SLC8A1: variants seen among roughly 807,000 people sequenced by gnomAD.
The protein encoded by SLC8A1 is sodium/calcium exchanger 1.
In SLC8A1, 18 loss-of-function variants were observed where a neutral mutation model predicts 68.3. That is an observed-to-expected ratio of 0.26 (90% CI 0.18 to 0.39). SLC8A1 has a LOEUF of 0.39. Ranked by LOEUF, SLC8A1 falls within the 10% of genes least tolerant of loss-of-function variation. The pLI is 1.00. For missense variants in SLC8A1, 985 were observed against 1,156.7 expected (o/e 0.85, Z 2.15); for synonymous variants, 475 against 415.5 (o/e 1.14, Z -1.74).
At chr2:40,220,641 A>G (rs537704793) in intron 2 of SLC8A1, among the ~76,000 whole-genome samples, 1 of 152,280 alleles carries the variant, frequency 6.6e-6, no homozygotes, top group African/African-American at 2.4e-5. Flanking sequence ...AATTATAAGA[A>G]TGTGCAGTTT....
intron 7 of SLC8A1, among the ~76,000 whole-genome samples, chr2:40,132,250 A>G (rs1009495330): frequency 1.3e-5 from 2 of 152,212 alleles, no homozygotes; most frequent in African/African-American, 4.8e-5. Context: ...TATAAAAACG[A>G]GAGATAACAT....
intron 2 of SLC8A1, among the ~76,000 whole-genome samples, chr2:40,368,824 C>G (rs1414603859): frequency 1.3e-5 from 2 of 151,964 alleles, no homozygotes; most frequent in East Asian, 1.9e-4. Context: ...CAACATGGTA[C>G]TGGTACAAAA....
At chr2:40,118,787 C>T (rs1217608275) in intron 7 of SLC8A1, among the ~76,000 whole-genome samples, 6 of 151,576 alleles carry the variant, frequency 4.0e-5, no homozygotes, top group African/African-American at 1.5e-4. Flanking sequence ...CAGATGGCCA[C>T]GTTAGGTGGG....
At chr2:40,136,333 A>G (rs887229607) in intron 7 of SLC8A1, among the ~76,000 whole-genome samples, 1 of 152,224 alleles carries the variant, frequency 6.6e-6, no homozygotes, top group African/African-American at 2.4e-5. Context: ...CAGCTGGTGC[A>G]AGGAAGAAGC....
At chr2:40,450,281 T>C (rs1329312921) in intron 1 of SLC8A1, among the ~76,000 whole-genome samples, 1 of 152,102 alleles carries the variant, frequency 6.6e-6, no homozygotes, top group Admixed American at 6.5e-5. Context: ...ATGAAACATC[T>C]AGATTCATTT....
chr2:40,349,175 C>A (rs1023646509), intron 2 of SLC8A1, among the ~76,000 whole-genome samples: 4 of 152,114 alleles, frequency 2.6e-5, no homozygotes, highest in Non-Finnish European at 5.9e-5. Flanking sequence ...ACAATTTGAG[C>A]ACATCACAAA....
chr2:40,438,360 T>C (rs188106581), intron 1 of SLC8A1, among the ~76,000 whole-genome samples: 31 of 152,294 alleles, frequency 2.0e-4, no homozygotes, highest in Non-Finnish European at 4.0e-4. Flanking sequence ...AATAGCTGGT[T>C]GACATTTAAT....
intron 6 of SLC8A1, among the ~76,000 whole-genome samples, chr2:40,154,411 C>A (rs2044039074): frequency 7.0e-6 from 1 of 142,166 alleles, no homozygotes; most frequent in Non-Finnish European, 1.5e-5. Flanking sequence ...TCATGGCATT[C>A]TCCCGCCTCA....
At position 40,230,085 on chromosome 2, in the gene SLC8A1, G is replaced by T. The variant is rs1021533331; in HGVS notation, c.1809-52230C>A. On this transcript the variant is annotated intron_variant, in intron 2 of 7. Coordinates refer to ENST00000406785, the Ensembl canonical transcript of SLC8A1. ...CAGAGCTGGCATCATCAGAGCTAGG[G>T]CTGCAATCCATCTCTAGATCCCCAC... is the stretch of plus-strand genomic sequence containing the variant. 2.6e-5 allele frequency among the ~76,000 whole-genome samples: 4 copies of T among 152,092 alleles called. No homozygotes were observed. The East Asian group carries it at 7.7e-4, about 29-fold the overall frequency.
intron 6 of SLC8A1, among the ~76,000 whole-genome samples, chr2:40,155,470 C>T (rs2148412776): frequency 6.6e-6 from 1 of 152,192 alleles, no homozygotes; most frequent in African/African-American, 2.4e-5. Context: ...TTTCAGATGA[C>T]CTAAGGCTAC....
rs931818879 is a variant in SLC8A1, at chr2:40,225,239, A to G, written c.1809-47384T>C. Among the ~76,000 whole-genome samples, 15 of 152,156 alleles carry G rather than the reference A, an allele frequency of 9.9e-5. 1 individual carries two copies. Among genetic ancestry groups the G allele is most frequent in the Non-Finnish European group, 2.9e-5 (2 of 68,010 alleles). On this transcript the variant is annotated intron_variant, in intron 2 of 7. Transcript: ENST00000406785. ...GGCTTTAATTATGGCTAGTTGTGTG[A>G]CTGTGGGCATACGACCTTGCTAAGC...
upstream of SLC8A1, among the ~76,000 whole-genome samples, chr2:40,452,249 G>A (rs1249686837): frequency 6.6e-6 from 1 of 150,540 alleles, no homozygotes; most frequent in African/African-American, 2.4e-5. Context: ...TCGGCCCCGC[G>A]GCTGCCGGGC....
At chr2:40,445,037 C>A (rs1336972536) in intron 1 of SLC8A1, among the ~76,000 whole-genome samples, 1 of 152,168 alleles carries the variant, frequency 6.6e-6, no homozygotes, top group African/African-American at 2.4e-5. Flanking sequence ...CCATTTATAT[C>A]TTCAGTAATG....
intron 2 of SLC8A1, among the ~76,000 whole-genome samples, chr2:40,184,724 A>G (rs1486395435): frequency 6.6e-6 from 1 of 152,006 alleles, no homozygotes; most frequent in Non-Finnish European, 1.5e-5. Context: ...ACTTTCCCAC[A>G]TGTAAGCCAT....
chr2:40,314,867 AC>A (rs1466804738), intron 2 of SLC8A1, among the ~76,000 whole-genome samples: 1 of 151,880 alleles, frequency 6.6e-6, no homozygotes, highest in African/African-American at 2.4e-5. Flanking sequence ...AACTTGTTAA[AC>A]TCCCTTACTA....
chr2:40,433,376 G>T (rs899775789), intron 1 of SLC8A1, among the ~76,000 whole-genome samples: 2 of 152,110 alleles, frequency 1.3e-5, no homozygotes, highest in African/African-American at 4.8e-5. Flanking sequence ...CTTCTTAGAA[G>T]CAAGTTTCAA....
chr2:40,379,450 G>A (rs528025018), intron 2 of SLC8A1, among the ~76,000 whole-genome samples: 2 of 152,038 alleles, frequency 1.3e-5, no homozygotes, highest in South Asian at 4.2e-4. Context: ...TCTTAACCAG[G>A]AGATCTATAA....
In SLC8A1 at chr2:40,498,931, C is replaced by T. The variant is rs535167107; in HGVS notation, c.-25+13418G>A. Among the ~76,000 whole-genome samples the T allele has an allele frequency of 6.8e-4, 104 of 152,010 alleles. No individual in the cohort carries two copies. In the South Asian group the frequency reaches 7.5e-3, roughly 11 times the overall value. ...TGGCTGAGTTGGGGCTGTCAACTCG[C>T]TCAACATACAAACTAAATTAATAAT... On this transcript the variant is annotated intron_variant, in intron 1 of 7. Transcript: ENST00000402441.
At chr2:40,335,913 C>T (rs773730374) in intron 2 of SLC8A1, among the ~76,000 whole-genome samples, 1 of 152,196 alleles carries the variant, frequency 6.6e-6, no homozygotes, top group Non-Finnish European at 1.5e-5. Flanking sequence ...TTAGAAAGCA[C>T]TACACTGCTA....
Sources: allele counts gnomAD v4.1 joint callset (sites outside exome capture counted in the v4.1 genomes callset), GRCh38; gene constraint gnomAD v4.1.1; transcripts MANE v1.5; gene names NCBI Gene and HGNC (gene_info 2026-07-23, HGNC 2026-07-21).